Variants in ZNF385D observed in about 807,000 individuals in gnomAD.
The protein encoded by ZNF385D is zinc finger protein 659.
In ZNF385D, 15 loss-of-function variants were observed where a neutral mutation model predicts 35.8. The observed-to-expected ratio is 0.42, with a 90% CI of 0.28 to 0.64. The LOEUF is 0.64. Ranked by LOEUF, ZNF385D falls within the 30% of genes least tolerant of loss-of-function variation. ZNF385D has a pLI of 0.23. For synonymous variants in ZNF385D, 212 were observed against 186.8 expected (o/e 1.13, Z -1.10); for missense variants, 474 against 494.6 (o/e 0.96, Z 0.39).
rs536515129 is a variant in ZNF385D, at chr3:22,254,936, T to C, written c.107-85901A>G. 6.6e-4 allele frequency among the ~76,000 whole-genome samples: 100 copies of C among 151,936 alleles called. 1 individual carries two copies. The highest frequency in any genetic ancestry group is 2.3e-3 in the African/African-American group (95 of 41,510). On this transcript the variant is annotated intron_variant, in intron 2 of 5. Coordinates refer to the ZNF385D transcript ENST00000494108. ...ACTAACATGGGGGTAGTGTATATAG[T>C]ATAGAAAAGCTGAACTAAGGGATAA...
At chr3:21,764,785 C>T (rs566946008) in intron 3 of ZNF385D, among the ~76,000 whole-genome samples, 1 of 152,254 alleles carries the variant, frequency 6.6e-6, no homozygotes, top group South Asian at 2.1e-4. Context: ...GGCACTGAAG[C>T]ATGGAAGAAA....
chr3:22,040,574 A>G (rs7616362), intron 3 of ZNF385D, among the ~76,000 whole-genome samples: 7,776 of 152,240 alleles, frequency 0.051, 277 homozygotes, highest in Middle Eastern at 0.13. Flanking sequence ...ATAATCACAC[A>G]TTTTCTGAAC....
chr3:22,063,543 A>G (rs776935693), intron 3 of ZNF385D, among the ~76,000 whole-genome samples: 47 of 152,206 alleles, frequency 3.1e-4, no homozygotes, highest in Non-Finnish European at 5.6e-4. Flanking sequence ...TAAATTCTCT[A>G]AAGTCCCTAA....
chr3:22,061,116 T>TAATTG lies in ZNF385D; in HGVS notation c.325+107700_325+107701insCAATT, dbSNP rs1271792790. ...GAGAATGTTAATTTAATCACCTGAT[T>TAATTG]AATTAAATTAAATTAAATTAAATAG... On this transcript the variant is annotated intron_variant, in intron 3 of 5. Coordinates refer to the ZNF385D transcript ENST00000494108. Among the ~76,000 whole-genome samples the TAATTG allele has an allele frequency of 1.3e-4, 20 of 152,222 alleles. No individual in the cohort carries two copies. In the East Asian group the frequency reaches 3.9e-3, roughly 29 times the overall value.
intron 3 of ZNF385D, among the ~76,000 whole-genome samples, chr3:21,808,448 G>A (rs1197288605): frequency 6.6e-6 from 1 of 152,140 alleles, no homozygotes; most frequent in East Asian, 1.9e-4. Context: ...TCTCTGCTCT[G>A]CATTAAGTGA....
intron 1 of ZNF385D, among the ~76,000 whole-genome samples, chr3:21,734,706 T>C (rs935862155): frequency 6.6e-6 from 1 of 152,102 alleles, no homozygotes; most frequent in African/African-American, 2.4e-5. Flanking sequence ...GCTGCACTGA[T>C]CACCTAGATA....
intron 2 of ZNF385D, among the ~76,000 whole-genome samples, chr3:22,255,037 T>A (rs957675863): frequency 4.0e-5 from 6 of 151,880 alleles, no homozygotes; most frequent in African/African-American, 1.4e-4. Flanking sequence ...AAACATGCAA[T>A]TTAAAATCTA....
intron 3 of ZNF385D, among the ~76,000 whole-genome samples, chr3:21,994,026 C>G (rs1303099986): frequency 1.3e-5 from 2 of 152,170 alleles, no homozygotes; most frequent in Non-Finnish European, 2.9e-5. Context: ...TTCCAAGACC[C>G]TTCTAAGAAT....
At chr3:21,537,534 C>T (rs543601446) in intron 3 of ZNF385D, among the ~76,000 whole-genome samples, 85 of 152,184 alleles carry the variant, frequency 5.6e-4, no homozygotes, top group African/African-American at 1.9e-3. Context: ...TTTACGAAAG[C>T]AGGCAGCTAG....
intron 3 of ZNF385D, among the ~76,000 whole-genome samples, chr3:21,945,787 T>A (rs961750693): frequency 6.6e-6 from 1 of 152,120 alleles, no homozygotes; most frequent in Non-Finnish European, 1.5e-5. Context: ...TAAAGAAAAA[T>A]TGTTTAAATG....
intron 3 of ZNF385D, among the ~76,000 whole-genome samples, chr3:21,991,327 A>G (rs981862120): frequency 1.3e-5 from 2 of 152,174 alleles, no homozygotes; most frequent in Non-Finnish European, 2.9e-5. Flanking sequence ...CAAACCTAAA[A>G]CAAGAGCCAA....
intron 6 of ZNF385D, among the ~76,000 whole-genome samples, chr3:21,424,598 C>T (rs1700922456): frequency 6.6e-6 from 1 of 151,050 alleles, no homozygotes; most frequent in South Asian, 2.1e-4. Context: ...CAGGCGTGAG[C>T]CACTGCGCCC....
At chr3:22,263,709 C>T (rs1032353625) in intron 2 of ZNF385D, among the ~76,000 whole-genome samples, 3 of 151,816 alleles carry the variant, frequency 2.0e-5, no homozygotes, top group Non-Finnish European at 4.4e-5. Context: ...CTTGGTTACT[C>T]GAAAGCAGTG....
At chr3:21,568,741 T>C (rs17009055) in intron 2 of ZNF385D, among the ~76,000 whole-genome samples, 3,000 of 152,286 alleles carry the variant, frequency 0.02, 78 homozygotes, top group African/African-American at 0.065. Context: ...TTTTTTAATT[T>C]ACCATCATTG....
At chr3:21,916,390 T>C (rs929604969) in intron 3 of ZNF385D, among the ~76,000 whole-genome samples, 2 of 152,284 alleles carry the variant, frequency 1.3e-5, no homozygotes, top group East Asian at 1.9e-4. Flanking sequence ...GGGTTGATCA[T>C]CTGCTTTACT....
intron 3 of ZNF385D, among the ~76,000 whole-genome samples, chr3:22,111,882 T>G (rs963240734): frequency 6.6e-6 from 1 of 152,124 alleles, no homozygotes; most frequent in African/African-American, 2.4e-5. Context: ...GAGAACAAAC[T>G]ACTGAGAAGT....
At chr3:22,022,211 A>G (rs1219626404) in intron 3 of ZNF385D, among the ~76,000 whole-genome samples, 1 of 152,146 alleles carries the variant, frequency 6.6e-6, no homozygotes, top group African/African-American at 2.4e-5. Flanking sequence ...AACTTATACA[A>G]AGTATATAAA....
intron 3 of ZNF385D, among the ~76,000 whole-genome samples, chr3:21,774,243 G>T (rs6794970): frequency 0.012 from 1,772 of 151,788 alleles, 35 homozygotes; most frequent in African/African-American, 0.041. Context: ...ACATAGTGGG[G>T]AAACAACACA....
chr3:22,356,119 A>G (rs955903957), intron 2 of ZNF385D, among the ~76,000 whole-genome samples: 2 of 152,022 alleles, frequency 1.3e-5, no homozygotes, highest in Non-Finnish European at 2.9e-5. Context: ...AAGCAGCTTG[A>G]GATTTAACTA....
Sources: gnomAD v4.1 joint callset for allele counts (sites outside exome capture counted in the v4.1 genomes callset) on GRCh38, gnomAD v4.1.1 for gene constraint, MANE v1.5 for transcripts, NCBI Gene and HGNC (gene_info 2026-07-23, HGNC 2026-07-21) for gene names.